FAM200A: variants seen among roughly 807,000 people sequenced by gnomAD.
FAM200A encodes protein FAM200A.
In FAM200A, 26 loss-of-function variants were observed where a neutral mutation model predicts 44.2. The ratio of observed to expected loss-of-function variants is 0.59; its 90% CI spans 0.43 to 0.82. The LOEUF (loss-of-function observed/expected upper bound fraction) is 0.82, where lower values mean the gene tolerates loss of function less well. FAM200A is among the 40% of genes least tolerant of loss of function. The pLI is 0.00. For missense variants in FAM200A, 606 were observed against 669.5 expected, an observed-to-expected ratio of 0.91 and a Z score of 1.05; for synonymous variants, 206 against 244.4, an observed-to-expected ratio of 0.84 and a Z score of 1.47.
In FAM200A at chr7:99,546,708, CTGTTCA is replaced by C. The variant is rs1802393450; in HGVS notation, c.1694_1699del (p.Met565_Asn566del). 2.0e-6 allele frequency: 3 copies of C among 1,532,724 alleles called. No individual in the cohort carries two copies. The African/African-American group carries it at 4.2e-5, about 21-fold the overall frequency. The allele number at this position is 1,532,724 out of a possible 1,614,324, so 94.9% of individuals were successfully genotyped here. ...TATTTAATGTGATGGGTGTGCTTGTCTGTTCATAAGTTCCTTCCAGTCAGGAACACA... is the reference window on the plus strand; with the variant it reads ...TATTTAATGTGATGGGTGTGCTTGTCTAAGTTCCTTCCAGTCAGGAACACA... On this transcript the variant is annotated inframe_deletion, in exon 2 of 2. Coordinates refer to ENST00000449309, the MANE Select transcript of FAM200A (RefSeq NM_145111.4).
rs1802394467 is a variant in FAM200A at position 99,546,741 on chromosome 7, G to A, written c.1667C>T (p.Ser556Leu). 9 of 1,547,508 alleles carry A rather than the reference G, an allele frequency of 5.8e-6. No homozygotes were observed. Among genetic ancestry groups the A allele is most frequent in the Non-Finnish European group, 7.9e-6 (9 of 1,145,836 alleles). ...SAPDMRVALS[S>L]CVPDWKELMN... The stretch of plus-strand genomic sequence containing the variant: ...AAGTTCCTTCCAGTCAGGAACACAT[G>A]AAGATAATGCTACCCGCATATCTGG... The change falls in exon 2 of 2, where the codon TCA becomes TTA. Residue 556 changes from serine to leucine, a missense_variant. Physicochemically the swap from Ser to Leu is moderately radical, Grantham distance 145 (BLOSUM62 -2). Coordinates refer to ENST00000449309, the MANE Select transcript of FAM200A (RefSeq NM_145111.4).
Position 99,547,988 on chromosome 7 carries a change from A to C in FAM200A, c.420T>G (p.Phe140Leu). Residue 140 changes from phenylalanine (F) to leucine (L), a missense_variant, in exon 2 of 2, where the codon TTT (phenylalanine) becomes TTG (leucine). Phe to Leu is a conservative substitution (Grantham distance 22). Transcript: ENST00000449309. The stretch of plus-strand genomic sequence containing the variant: ...CAGTGCTCTCATCGAGTTGGATTGC[A>C]AAGTCTATACCGGACTGCAGCCGTG... Reference protein sequence around the residue: ...LITRLQSGIDFAIQLDESTDI... With the variant: ...LITRLQSGIDLAIQLDESTDI... 3 of 1,551,498 alleles carry C rather than the reference A, an allele frequency of 1.9e-6. No individual in the cohort carries two copies. The highest frequency in any genetic ancestry group is 1.7e-6 in the Non-Finnish European group (2 of 1,146,996).
upstream of FAM200A, among the ~76,000 whole-genome samples, chr7:99,555,682 G>T (rs1356692550): frequency 6.6e-6 from 1 of 152,168 alleles, no homozygotes; most frequent in Non-Finnish European, 1.5e-5. Context: ...GCGGAGGTGG[G>T]TGGATTGCTT....
chr7:99,558,534 C>T (rs952328295), exon 1 of FAM200A: 5 of 152,300 alleles, frequency 3.3e-5, no homozygotes, highest in African/African-American at 1.2e-4. Context: ...GTTCCTCATC[C>T]GGGGCCGTCA....
At chr7:99,553,094 TATA>T (rs1385978914), upstream of FAM200A, among the ~76,000 whole-genome samples, 15 of 84,334 alleles carry the variant, frequency 1.8e-4, 1 homozygote, top group African/African-American at 8.0e-4. Context: ...TATATATATA[TATA>T]TATTTTTTTT....
At chr7:99,549,507 T>C (rs1802480538) in intron 1 of FAM200A, among the ~76,000 whole-genome samples, 1 of 152,308 alleles carries the variant, frequency 6.6e-6, no homozygotes, top group East Asian at 1.9e-4. Flanking sequence ...CTCAAAGATC[T>C]AGAACTAGAA....
chr7:99,554,978 G>A (rs1486933930), upstream of FAM200A, among the ~76,000 whole-genome samples: 1 of 152,182 alleles, frequency 6.6e-6, no homozygotes. Context: ...TGCCTTAGAA[G>A]GCATGACCTT....
chr7:99,550,141 A>T (rs1802495281), intron 1 of FAM200A, among the ~76,000 whole-genome samples: 1 of 151,128 alleles, frequency 6.6e-6, no homozygotes, highest in Non-Finnish European at 1.5e-5. Flanking sequence ...GACGGAGTCT[A>T]GCTCTGTTGC....
upstream of FAM200A, chr7:99,552,205 G>A (rs1802553781): frequency 1.0e-6 from 1 of 980,570 alleles, no homozygotes; most frequent in Non-Finnish European, 1.2e-6. Flanking sequence ...GCATCCCTGT[G>A]TAGGGCTCTA....
chr7:99,551,675 C>G (rs1241511407), intron 1 of FAM200A, among the ~76,000 whole-genome samples, 179 bp downstream of exon 1: 1 of 152,192 alleles, frequency 6.6e-6, no homozygotes, highest in Non-Finnish European at 1.5e-5. Context: ...AAAGCCCCCA[C>G]CACAAGAAAA....
At chr7:99,550,540 G>A (rs1355915603) in intron 1 of FAM200A, among the ~76,000 whole-genome samples, 1 of 152,234 alleles carries the variant, frequency 6.6e-6, no homozygotes, top group African/African-American at 2.4e-5. Context: ...GTTAAATTCA[G>A]TCTATCGGCA....
chr7:99,556,767 G>A (rs930571975), upstream of FAM200A, among the ~76,000 whole-genome samples: 12 of 152,152 alleles, frequency 7.9e-5, no homozygotes, highest in Admixed American at 7.2e-4. Flanking sequence ...TCGGTGCAGT[G>A]GCTCACGCCT....
chr7:99,555,341 AGATT>A (rs1802657304), upstream of FAM200A, among the ~76,000 whole-genome samples: 1 of 152,222 alleles, frequency 6.6e-6, no homozygotes, highest in Admixed American at 6.5e-5. Flanking sequence ...AGGCATGGAC[AGATT>A]CCTTCTCACA....
rs1802406019 is a variant in FAM200A, at chr7:99,547,152, A to C, written c.1256T>G (p.Ile419Arg). 1.3e-6 allele frequency: 2 copies of C among 1,545,630 alleles called. No individual in the cohort carries two copies. The highest frequency in any genetic ancestry group is 2.4e-5 in the South Asian group (2 of 82,176). ...NIINEDCLKE[I>R]KLEILLHLTS... ...GAGATGCAACAATATCTCTAATTTTATTTCTTTTAAGCAGTCTTCATTAAT... is the reference window on the plus strand; with the variant it reads ...GAGATGCAACAATATCTCTAATTTTCTTTCTTTTAAGCAGTCTTCATTAAT... The change falls in exon 2 of 2, where the codon ATA (isoleucine) becomes AGA (arginine). Residue 419 changes from isoleucine (I) to arginine (R), a missense_variant. By Grantham distance (97) the Ile-to-Arg change is moderately conservative. Transcript: ENST00000449309.
upstream of FAM200A, among the ~76,000 whole-genome samples, chr7:99,552,805 A>G (rs1178325829): frequency 6.6e-6 from 1 of 151,940 alleles, no homozygotes; most frequent in African/African-American, 2.4e-5. Context: ...AAAAGCCTAC[A>G]AAAGGAACGG....
chr7:99,554,188 T>C (rs569774930), upstream of FAM200A, among the ~76,000 whole-genome samples: 3 of 152,090 alleles, frequency 2.0e-5, no homozygotes, highest in South Asian at 2.1e-4. Context: ...TGGTAAGAGG[T>C]AGACCATATT....
chr7:99,557,617 T>G (rs1802734206), intron 1 of FAM200A, among the ~76,000 whole-genome samples: 1 of 152,222 alleles, frequency 6.6e-6, no homozygotes, highest in Non-Finnish European at 1.5e-5. Flanking sequence ...TGACGGGCAC[T>G]GCAGACTAGA....
rs1444889753 is a variant in FAM200A at position 99,546,746 on chromosome 7, T to G, written c.1662A>C (p.Leu554Phe). The change falls in exon 2 of 2, where the codon TTA (leucine) becomes TTC (phenylalanine). Residue 554 changes from leucine (L) to phenylalanine (F), a missense_variant. Transcript: ENST00000449309. ...LNSAPDMRVA[L>F]SSCVPDWKEL... ...CCTTCCAGTCAGGAACACATGAAGA[T>G]AATGCTACCCGCATATCTGGTGCAC... 3.2e-6 allele frequency: 5 copies of G among 1,548,834 alleles called. No individual in the cohort carries two copies. In the East Asian group the frequency reaches 1.2e-4, roughly 38 times the overall value.
At chr7:99,555,515 G>T (rs558424816), upstream of FAM200A, among the ~76,000 whole-genome samples, 1 of 152,286 alleles carries the variant, frequency 6.6e-6, no homozygotes, top group South Asian at 2.1e-4. Flanking sequence ...ACTCCATACA[G>T]CACCTGTATC....
Sources: gnomAD v4.1 joint callset for allele counts (sites outside exome capture counted in the v4.1 genomes callset) on GRCh38, gnomAD v4.1.1 for gene constraint, MANE v1.5 for transcripts, NCBI Gene and HGNC (gene_info 2026-07-23, HGNC 2026-07-21) for gene names.